The following PPP1R12C variants were observed in gnomAD, a reference collection of about 807,000 sequenced individuals.
The protein encoded by PPP1R12C is leukocyte receptor cluster (LRC) encoded novel gene 3.
A neutral mutation model predicts 95.6 loss-of-function variants in PPP1R12C; 48 were observed. The observed-to-expected ratio is 0.50, with a 90% confidence interval of 0.40 to 0.64. The LOEUF (loss-of-function observed/expected upper bound fraction) is 0.64. Ranked by LOEUF, PPP1R12C falls within the 30% of genes least tolerant of loss-of-function variation. The probability of loss-of-function intolerance (pLI) is 0.00; values close to 1 mark genes in which losing one functional copy is unlikely to be tolerated. For missense variants in PPP1R12C, 1,057 were observed against 1,083.3 expected (o/e 0.98, Z 0.34); for synonymous variants, 480 against 460.8 (o/e 1.04, Z -0.53).
chr19:55,105,237 G>A (rs1187075365), intron 3 of PPP1R12C, among the ~76,000 whole-genome samples: 1 of 152,082 alleles, frequency 6.6e-6, no homozygotes, highest in Non-Finnish European at 1.5e-5. Flanking sequence ...TTCTTTAAAG[G>A]AGTCACCAAC....
At chr19:55,106,711 C>G (rs532907528) in intron 3 of PPP1R12C, among the ~76,000 whole-genome samples, 1 of 152,202 alleles carries the variant, frequency 6.6e-6, no homozygotes, top group Non-Finnish European at 1.5e-5. Flanking sequence ...CTTGGGCCTA[C>G]GAAAATCCAT....
rs138726772 is a variant in PPP1R12C, at chr19:55,109,982, T to A, written c.571+2485A>T. On this transcript the variant is annotated intron_variant, in intron 3 of 21. Transcript: ENST00000263433. This position sits in a 1 kb window ranked among gnomAD's most constrained non-coding sequence, Gnocchi z 4.4. ...TCCTGGCTGATCCTACAAGCCAATA[T>A]CCCCCACCAATGTATCCCTCCCAGC... Among the ~76,000 whole-genome samples, 80 of 152,052 alleles carry A rather than the reference T, an allele frequency of 5.3e-4. 2 individuals carry two copies. In the East Asian group the frequency reaches 0.015, roughly 28 times the overall value.
In PPP1R12C at chr19:55,117,233, G is replaced by T; in HGVS notation, c.311C>A (p.Ala104Asp). The stretch of plus-strand genomic sequence containing the variant: ...GCGGGGGGCGCTGACCTGGTGCAGG[G>T]CGCTGATACCGTCGGCGTTGGTGGA... ...LDSTNADGIS[A>D]LHQACIDENL... The change falls in exon 1 of 22, where the codon GCC becomes GAC. Residue 104 changes from alanine to aspartate, a missense_variant. This residue lies in a region of PPP1R12C where 282 missense variants were observed against 380.4 expected (regional missense o/e 0.74). Coordinates refer to ENST00000263433, the MANE Select transcript of PPP1R12C (RefSeq NM_017607.4). 8.2e-7 allele frequency: 1 copy of T among 1,225,686 alleles called. No homozygotes were observed. Among genetic ancestry groups the T allele is most frequent in the Non-Finnish European group, 1.0e-6 (1 of 984,210 alleles). 75.9% of individuals were successfully genotyped at this position (1,225,686 alleles called of 1,614,324 possible). A position where few individuals can be genotyped will look rare whatever the true frequency, so the allele number is the denominator to read the frequency against.
In PPP1R12C at chr19:55,091,609, C is replaced by A. The variant is rs202085356; in HGVS notation, c.2262+41G>T. On this transcript the variant is annotated intron_variant, in intron 21 of 21. Coordinates refer to ENST00000263433, the MANE Select transcript of PPP1R12C (RefSeq NM_017607.4). ...GCAGCCCTGGCGGGTTGCACCCCCA[C>A]CCACCCTCGGCCCTCTGCCCACAGC... The A allele has an allele frequency of 1.1e-4, 169 of 1,595,548 alleles. 1 individual carries two copies. In the Middle Eastern group the frequency reaches 2.1e-3, roughly 19 times the overall value.
chr19:55,097,294 C>A (rs2084928479), intron 6 of PPP1R12C, among the ~76,000 whole-genome samples: 1 of 118,450 alleles, frequency 8.4e-6, no homozygotes, highest in Non-Finnish European at 1.7e-5. Flanking sequence ...CGTCTTCACC[C>A]CTTCCCCACG....
At chr19:55,101,828 A>C (rs1268587724) in intron 4 of PPP1R12C, among the ~76,000 whole-genome samples, 1 of 152,198 alleles carries the variant, frequency 6.6e-6, no homozygotes, top group African/African-American at 2.4e-5. Flanking sequence ...GCAGGTGCTA[A>C]GCAGAAGGGA....
chr19:55,105,548 T>G (rs1167203376), intron 3 of PPP1R12C, among the ~76,000 whole-genome samples: 1 of 152,222 alleles, frequency 6.6e-6, no homozygotes, highest in Non-Finnish European at 1.5e-5. Context: ...TGTTTTAAAG[T>G]GCACAATTCA....
At position 55,096,037 on chromosome 19, in the gene PPP1R12C, T is replaced by G. The variant is rs1323265374; in HGVS notation, c.1153+14A>C. The G allele has an allele frequency of 1.3e-5, 21 of 1,609,020 alleles. No homozygotes were observed. Among genetic ancestry groups the G allele is most frequent in the Non-Finnish European group, 1.7e-5 (20 of 1,179,308 alleles). ...CCTCCCTCGGACCCAGGAGTCCAGA[T>G]TCAGGCCCCTCACCGGTGGGACCTT... On this transcript the variant is annotated intron_variant, in intron 8 of 21. Transcript: ENST00000263433.
At chr19:55,117,125 G>C in intron 1 of PPP1R12C, 98 bp downstream of exon 1, 2 of 1,040,174 alleles carry the variant, frequency 1.9e-6, no homozygotes, top group Non-Finnish European at 2.4e-6. Flanking sequence ...CAGGAACGAC[G>C]GGGCGGATCG....
Position 55,095,856 on chromosome 19 carries a change from C to A in PPP1R12C, c.1227+11G>T. 1.2e-6 allele frequency: 2 copies of A among 1,613,384 alleles called. No homozygotes were observed. Among genetic ancestry groups the A allele is most frequent in the Non-Finnish European group, 1.7e-6 (2 of 1,179,602 alleles). ...CCCAGCCTCACAGGACCTCTCAGGG[C>A]ATCCACTCACCACGGGACTCTTAGG... is the stretch of plus-strand genomic sequence containing the variant. On this transcript the variant is annotated intron_variant, in intron 9 of 21. Transcript: ENST00000263433.
chr19:55,104,278 TC>T (rs1385371046), intron 3 of PPP1R12C, among the ~76,000 whole-genome samples: 1 of 143,378 alleles, frequency 7.0e-6, no homozygotes, highest in African/African-American at 2.7e-5. Context: ...TATATGCATC[TC>T]CTATATATAT....
chr19:55,107,116 T>TA lies in PPP1R12C; in HGVS notation c.572-3549dup, dbSNP rs879668475. Among the ~76,000 whole-genome samples the TA allele has an allele frequency of 2.0e-3, 289 of 145,778 alleles. 3 individuals carry two copies. In the East Asian group the frequency reaches 0.031, roughly 15 times the overall value. ...GCTACATAAGGCCATAGACTGCCTTTAAAAAAAAAAAATGTGACCAGGCAC... is the reference window on the plus strand; with the variant it reads ...GCTACATAAGGCCATAGACTGCCTTTAAAAAAAAAAAAATGTGACCAGGCAC... On this transcript the variant is annotated intron_variant, in intron 3 of 21. Coordinates refer to ENST00000263433, the MANE Select transcript of PPP1R12C (RefSeq NM_017607.4).
chr19:55,112,542 C>T lies in PPP1R12C; in HGVS notation c.496G>A (p.Asp166Asn). Reference protein sequence around the residue: ...HGANIAAVNSDGDLPLDLAES... With the variant: ...HGANIAAVNSNGDLPLDLAES... ...GCCAGGTCCAGGGGCAGGTCCCCGT[C>T]ACTGTTGACGGCGGCGATGTTGGCC... is the stretch of plus-strand genomic sequence containing the variant. The change falls in exon 3 of 22, where the codon GAC (aspartate) becomes AAC (asparagine). Residue 166 changes from aspartate to asparagine, a missense_variant. Coordinates refer to ENST00000263433, the MANE Select transcript of PPP1R12C (RefSeq NM_017607.4). The T allele has an allele frequency of 6.2e-7, 1 of 1,613,268 alleles. No individual in the cohort carries two copies. The highest frequency in any genetic ancestry group is 1.1e-5 in the South Asian group (1 of 91,066).
In PPP1R12C at chr19:55,092,852, C is replaced by G; in HGVS notation, c.1842G>C (p.Gly614=). The part of the protein sequence containing the change: ...SPAQRAEAPD[G]QGPGPQAARE... ...TGGCCGCCTGCGGTCCCGGACCCTG[C>G]CCGTCGGGCGCCTCTGCTGGGGGAG... Residue 614 remains glycine (G), a synonymous_variant, in exon 16 of 22, where the codon GGG becomes GGC. Transcript: ENST00000263433. The G allele has an allele frequency of 6.3e-7, 1 of 1,579,078 alleles. No homozygotes were observed. Among genetic ancestry groups the G allele is most frequent in the South Asian group, 1.1e-5 (1 of 87,508 alleles).
chr19:55,116,709 A>G (rs2147219060), intron 1 of PPP1R12C, among the ~76,000 whole-genome samples: 1 of 152,296 alleles, frequency 6.6e-6, no homozygotes, highest in East Asian at 1.9e-4. Flanking sequence ...CTCGGGGGCG[A>G]GAGGAGGGCA....
chr19:55,110,261 G>A (rs189062064), intron 3 of PPP1R12C, among the ~76,000 whole-genome samples: 3 of 152,252 alleles, frequency 2.0e-5, no homozygotes, highest in African/African-American at 7.2e-5. Flanking sequence ...AAGGAGAAAC[G>A]CAGGCAACAG....
rs2085166754 is a variant in PPP1R12C, at chr19:55,117,391, G to A, written c.153C>T (p.Arg51=). Residue 51 remains arginine (R), a synonymous_variant, in exon 1 of 22, where the codon CGC becomes CGT. Transcript: ENST00000263433. ...ERRARTVRFE[R]AAEFLAACAG... is the part of the protein sequence containing the mutation. ...CACAGGCCGCCAGGAACTCGGCGGC[G>A]CGCTCGAAGCGGACGGTGCGGGCGC... 1 of 1,064,678 alleles carries A rather than the reference G, an allele frequency of 9.4e-7. No individual in the cohort carries two copies. Among genetic ancestry groups the A allele is most frequent in the African/African-American group, 1.7e-5 (1 of 58,738 alleles). 66.0% of individuals were successfully genotyped at this position (1,064,678 alleles called of 1,614,324 possible).
intron 3 of PPP1R12C, among the ~76,000 whole-genome samples, chr19:55,110,300 A>T (rs1402861312): frequency 2.0e-5 from 3 of 151,842 alleles, no homozygotes; most frequent in Non-Finnish European, 2.9e-5. Flanking sequence ...GCAGTGGGTG[A>T]GAGTGTAGCA....
In PPP1R12C at chr19:55,112,670, G is replaced by T. The variant is rs73935111; in HGVS notation, c.447C>A (p.Ile149=). Reference sequence around the variant, plus strand: ...CCGGCCCTCCCTTGCCTCACCTGGCGATATCTAGGTAGCCACAGGAGGCGG... The same window carrying T: ...CCGGCCCTCCCTTGCCTCACCTGGCTATATCTAGGTAGCCACAGGAGGCGG... ...HVAASCGYLD[I]ARYLLSHGAN... is the part of the protein sequence containing the mutation. The change falls in exon 2 of 22, where the codon ATC becomes ATA. Residue 149 remains isoleucine, a synonymous_variant. Coordinates refer to ENST00000263433, the MANE Select transcript of PPP1R12C (RefSeq NM_017607.4). The T allele has an allele frequency of 9.3e-6, 15 of 1,613,778 alleles. No homozygotes were observed. The highest frequency in any genetic ancestry group is 1.3e-5 in the Non-Finnish European group (15 of 1,179,942).
Sources: allele counts gnomAD v4.1 joint callset (sites outside exome capture counted in the v4.1 genomes callset), GRCh38; gene constraint gnomAD v4.1.1; regional missense constraint gnomAD v4.1.1; non-coding constraint Gnocchi (gnomAD v3.1); transcripts MANE v1.5; gene names NCBI Gene and HGNC (gene_info 2026-07-23, HGNC 2026-07-21).